Variants in TPH2 observed in about 807,000 individuals in gnomAD.
TPH2 encodes tryptophan 5-hydroxylase 2.
Under a neutral mutation model 59.1 loss-of-function variants are expected in TPH2, and 27 were observed. The observed-to-expected ratio is 0.46, with a 90% CI of 0.34 to 0.63. TPH2 has a LOEUF of 0.63. TPH2 is among the 30% of genes least tolerant of loss of function. The pLI is 0.01. For synonymous variants in TPH2, 220 were observed against 210.5 expected (o/e 1.05, Z -0.39); for missense variants, 523 against 588.3 (o/e 0.89, Z 1.15).
intron 5 of TPH2, among the ~76,000 whole-genome samples, chr12:71,954,072 G>T (rs569305716): frequency 3.9e-5 from 6 of 152,184 alleles, no homozygotes; most frequent in African/African-American, 1.4e-4. Context: ...AATCAGGGGG[G>T]AAGAATAAAC....
intron 8 of TPH2, among the ~76,000 whole-genome samples, chr12:71,998,184 C>G (rs746232461): frequency 1.3e-5 from 2 of 152,160 alleles, no homozygotes; most frequent in Non-Finnish European, 2.9e-5. Flanking sequence ...TCACTCATTT[C>G]TCTTTTCTTG....
chr12:71,969,487 ATG>A, intron 5 of TPH2, among the ~76,000 whole-genome samples: 1 of 152,284 alleles, frequency 6.6e-6, no homozygotes, highest in African/African-American at 2.4e-5. Context: ...TCCTAAAAAA[ATG>A]TGAGTGCCCT....
At chr12:71,991,197 C>T (rs1331541145) in intron 7 of TPH2, among the ~76,000 whole-genome samples, 2 of 152,212 alleles carry the variant, frequency 1.3e-5, no homozygotes, top group Non-Finnish European at 1.5e-5. Flanking sequence ...TTCCTAACTG[C>T]TAACTTTTCA....
chr12:71,945,126 T>C (rs1311658333), intron 4 of TPH2, among the ~76,000 whole-genome samples: 1 of 152,140 alleles, frequency 6.6e-6, no homozygotes, highest in Non-Finnish European at 1.5e-5. Context: ...AGTAGAGTAA[T>C]GTAGTTGACT....
intron 7 of TPH2, among the ~76,000 whole-genome samples, chr12:71,992,746 G>A (rs940585626): frequency 2.0e-5 from 3 of 152,092 alleles, no homozygotes; most frequent in Non-Finnish European, 2.9e-5. Context: ...TATAAAACAC[G>A]TAAGGAAAGA....
chr12:72,022,574 C>T (rs1476998410), intron 9 of TPH2, 80 bp downstream of exon 9: 21 of 1,074,368 alleles, frequency 2.0e-5, no homozygotes, highest in Non-Finnish European at 2.9e-5. Flanking sequence ...TTTGTCTGAG[C>T]ATTTCTACTC....
In TPH2 at chr12:72,017,739, C is replaced by A. The variant is rs1873298286; in HGVS notation, c.1069-4660C>A. Among the ~76,000 whole-genome samples, 4 of 152,146 alleles carry A rather than the reference C, an allele frequency of 2.6e-5. No homozygotes were observed. In the South Asian group the frequency reaches 8.3e-4, roughly 32 times the overall value. Reference sequence around the variant, plus strand: ...TAGGGAATATATTATAGATCCACATCTGGAGAATTATCTGAGGAAACCAAA... The same window carrying A: ...TAGGGAATATATTATAGATCCACATATGGAGAATTATCTGAGGAAACCAAA... On this transcript the variant is annotated intron_variant, in intron 8 of 10. Coordinates refer to ENST00000333850, the MANE Select transcript of TPH2 (RefSeq NM_173353.4).
At chr12:72,012,069 C>A (rs1052537168) in intron 8 of TPH2, among the ~76,000 whole-genome samples, 3 of 152,172 alleles carry the variant, frequency 2.0e-5, no homozygotes, top group Admixed American at 6.6e-5. Flanking sequence ...CAGGGCAACT[C>A]TTCTTGCTTA....
intron 4 of TPH2, among the ~76,000 whole-genome samples, chr12:71,947,018 C>T (rs575945306): frequency 1.6e-4 from 24 of 152,262 alleles, no homozygotes; most frequent in African/African-American, 5.3e-4. Flanking sequence ...AAGGTTCACT[C>T]ATAAGGTGTT....
At chr12:72,016,329 C>T (rs1873253683) in intron 8 of TPH2, among the ~76,000 whole-genome samples, 1 of 152,056 alleles carries the variant, frequency 6.6e-6, no homozygotes, top group South Asian at 2.1e-4. Context: ...TACTCAAACA[C>T]CAAATATTGT....
chr12:72,008,443 G>A (rs1290215253), intron 8 of TPH2, among the ~76,000 whole-genome samples: 1 of 152,162 alleles, frequency 6.6e-6, no homozygotes, highest in Non-Finnish European at 1.5e-5. Flanking sequence ...TTGTCCCAGG[G>A]CAGGGAATCT....
chr12:72,030,046 T>C (rs1873679995), intron 9 of TPH2, among the ~76,000 whole-genome samples: 9 of 152,072 alleles, frequency 5.9e-5, no homozygotes. Flanking sequence ...CCTAAAACTC[T>C]CATTTACAGT....
chr12:71,982,361 A>T (rs1872310172), intron 7 of TPH2, among the ~76,000 whole-genome samples: 1 of 152,100 alleles, frequency 6.6e-6, no homozygotes, highest in African/African-American at 2.4e-5. Flanking sequence ...AAGTTCACTA[A>T]AAGGTATATA....
chr12:71,965,189 T>G (rs1049736719), intron 5 of TPH2: 42 of 152,230 alleles, frequency 2.8e-4, no homozygotes, highest in Non-Finnish European at 2.9e-5. Context: ...CTGTCACTGA[T>G]GGACATGTAG....
intron 4 of TPH2, among the ~76,000 whole-genome samples, chr12:71,945,711 A>G (rs1592859408): frequency 6.6e-6 from 1 of 152,180 alleles, no homozygotes; most frequent in Non-Finnish European, 1.5e-5. Flanking sequence ...AAAGGAAACT[A>G]TGACAACTTT....
At chr12:71,956,587 C>G (rs928371114) in intron 5 of TPH2, among the ~76,000 whole-genome samples, 15 of 147,872 alleles carry the variant, frequency 1.0e-4, no homozygotes, top group African/African-American at 3.7e-4. Context: ...TTCCTTCCCT[C>G]TTTCCCTCCT....
chr12:72,009,175 C>T (rs1873034019), intron 8 of TPH2, among the ~76,000 whole-genome samples: 1 of 152,100 alleles, frequency 6.6e-6, no homozygotes, highest in Non-Finnish European at 1.5e-5. Context: ...ATGATCCTCC[C>T]CTGGGAAGTG....
At chr12:71,979,897 G>A (rs1872226600) in intron 7 of TPH2, among the ~76,000 whole-genome samples, 1 of 152,200 alleles carries the variant, frequency 6.6e-6, no homozygotes, top group African/African-American at 2.4e-5. Flanking sequence ...TGGATTGTCT[G>A]GGAATGAGAC....
Position 71,994,458 on chromosome 12 carries a change from T to C in TPH2, c.961T>C (p.Leu321=), listed in dbSNP as rs764304651. 4 of 1,614,006 alleles carry C rather than the reference T, an allele frequency of 2.5e-6. No homozygotes were observed. The highest frequency in any genetic ancestry group is 2.2e-5 in the South Asian group (2 of 91,084). Reference sequence around the variant, plus strand: ...TGTCAGAGACACATGCCATGAACTCTTGGGACATGTTCCACTACTTGCGGA... The same window carrying C: ...TGTCAGAGACACATGCCATGAACTCCTGGGACATGTTCCACTACTTGCGGA... ...TPEPDTCHEL[L]GHVPLLADPK... is the part of the protein sequence containing the mutation. Residue 321 remains leucine, a synonymous_variant, in exon 8 of 11, where the codon TTG becomes CTG. Coordinates refer to ENST00000333850, the MANE Select transcript of TPH2 (RefSeq NM_173353.4).
Sources: allele counts gnomAD v4.1 joint callset (sites outside exome capture counted in the v4.1 genomes callset), GRCh38; gene constraint gnomAD v4.1.1; transcripts MANE v1.5; gene names NCBI Gene and HGNC (gene_info 2026-07-23, HGNC 2026-07-21).